The following SKAP1 variants were observed in gnomAD, a reference collection of about 807,000 sequenced individuals.
The protein encoded by SKAP1 is src kinase-associated phosphoprotein 1.
Under a neutral mutation model 58.5 loss-of-function variants are expected in SKAP1, and 44 were observed. The ratio of observed to expected loss-of-function variants is 0.75; its 90% confidence interval spans 0.59 to 0.97. The LOEUF (loss-of-function observed/expected upper bound fraction) is 0.97. Ranked by LOEUF, SKAP1 falls within the 50% of genes least tolerant of loss-of-function variation. SKAP1 has a pLI of 0.00. For synonymous variants in SKAP1, 127 were observed against 149.7 expected, an observed-to-expected ratio of 0.85 and a Z score of 1.11; for missense variants, 390 against 435.2, an observed-to-expected ratio of 0.90 and a Z score of 0.92.
At chr17:48,167,482 C>A (rs1229872932) in intron 10 of SKAP1, among the ~76,000 whole-genome samples, 1 of 152,090 alleles carries the variant, frequency 6.6e-6, no homozygotes, top group Non-Finnish European at 1.5e-5. Context: ...CTGTGGTTTC[C>A]CTTTGTTTCT....
intron 1 of SKAP1, among the ~76,000 whole-genome samples, chr17:48,428,618 C>G (rs2067877770): frequency 6.6e-6 from 1 of 152,110 alleles, no homozygotes; most frequent in Non-Finnish European, 1.5e-5. Flanking sequence ...GTTTAATAAG[C>G]TTATAAAATA....
At chr17:48,432,085 C>T (rs3826397), upstream of SKAP1, among the ~76,000 whole-genome samples, 109,238 of 152,020 alleles carry the variant, frequency 0.72, 39,520 homozygotes, top group African/African-American at 0.8. Flanking sequence ...CTGGCATGAG[C>T]CTCTCTGGGG....
intron 4 of SKAP1, among the ~76,000 whole-genome samples, chr17:48,288,635 G>C (rs755330041): frequency 1.3e-5 from 2 of 152,142 alleles, no homozygotes; most frequent in African/African-American, 2.4e-5. Flanking sequence ...GCAGTGAGCC[G>C]AGACTGAGCC....
intron 4 of SKAP1, among the ~76,000 whole-genome samples, chr17:48,228,592 A>G (rs2065094944): frequency 6.6e-6 from 1 of 152,074 alleles, no homozygotes; most frequent in Admixed American, 6.5e-5. Context: ...CATTTATTAG[A>G]CTCCACTTAT....
intron 4 of SKAP1, among the ~76,000 whole-genome samples, chr17:48,237,260 C>G (rs1168413424): frequency 1.3e-5 from 2 of 152,132 alleles, no homozygotes; most frequent in East Asian, 3.8e-4. Flanking sequence ...TGATTTTTTC[C>G]ATAAAGTTGT....
intron 4 of SKAP1, among the ~76,000 whole-genome samples, chr17:48,202,549 T>A (rs1212977816): frequency 6.6e-6 from 1 of 152,116 alleles, no homozygotes; most frequent in Non-Finnish European, 1.5e-5. Context: ...AGTTACAAAT[T>A]CTAGATTTAA....
At chr17:48,317,918 A>G (rs575345617) in intron 4 of SKAP1, among the ~76,000 whole-genome samples, 1 of 152,342 alleles carries the variant, frequency 6.6e-6, no homozygotes, top group East Asian at 1.9e-4. Flanking sequence ...GAGTTAAATC[A>G]AGAAAAAAAT....
chr17:48,363,345 C>A (rs540847449), intron 3 of SKAP1, among the ~76,000 whole-genome samples: 1 of 152,296 alleles, frequency 6.6e-6, no homozygotes, highest in African/African-American at 2.4e-5. Flanking sequence ...TGACATTTCT[C>A]TGCTGCCAGA....
At chr17:48,318,815 T>C (rs1442762754) in intron 4 of SKAP1, among the ~76,000 whole-genome samples, 1 of 152,216 alleles carries the variant, frequency 6.6e-6, no homozygotes, top group Non-Finnish European at 1.5e-5. Context: ...CAGTGAGTCA[T>C]GATTGCACCA....
intron 2 of SKAP1, among the ~76,000 whole-genome samples, chr17:48,387,827 T>A (rs1003986593): frequency 8.5e-5 from 13 of 152,190 alleles, no homozygotes; most frequent in Admixed American, 5.2e-4. Context: ...TTCCTTTTTT[T>A]AAAAAAAATC....
chr17:48,295,078 G>A (rs1038655881), intron 4 of SKAP1, among the ~76,000 whole-genome samples: 4 of 152,138 alleles, frequency 2.6e-5, no homozygotes, highest in African/African-American at 9.7e-5. Context: ...CAGACCAGTA[G>A]TTTTAGGCAC....
At chr17:48,426,297 G>A (rs561207297) in intron 1 of SKAP1, among the ~76,000 whole-genome samples, 16 of 152,304 alleles carry the variant, frequency 1.1e-4, no homozygotes, top group African/African-American at 3.6e-4. Flanking sequence ...ATGCAGCCAG[G>A]TTGTTAATGT....
chr17:48,299,827 A>G (rs1035371483), intron 4 of SKAP1, among the ~76,000 whole-genome samples: 1 of 152,120 alleles, frequency 6.6e-6, no homozygotes, highest in Non-Finnish European at 1.5e-5. Flanking sequence ...GAGTTTGAGC[A>G]TGGCCTGGAA....
chr17:48,435,616 T>A, the SKAP1 span, among the ~76,000 whole-genome samples: 1 of 152,226 alleles, frequency 6.6e-6, no homozygotes, highest in African/African-American at 2.4e-5. Flanking sequence ...TTTTCTAAAG[T>A]CGACCTGGGT....
At chr17:48,394,629 C>A (rs2067392568) in intron 2 of SKAP1, among the ~76,000 whole-genome samples, 1 of 152,242 alleles carries the variant, frequency 6.6e-6, no homozygotes, top group Non-Finnish European at 1.5e-5. Context: ...GAGTAAGCCA[C>A]TGCGTTTAGC....
intron 11 of SKAP1, among the ~76,000 whole-genome samples, chr17:48,149,469 A>G (rs2063872461): frequency 6.6e-6 from 1 of 152,204 alleles, no homozygotes; most frequent in Non-Finnish European, 1.5e-5. Context: ...TTAATCCTCA[A>G]GATTGTTCCG....
chr17:48,394,324 AT>A (rs1318891023), intron 2 of SKAP1, among the ~76,000 whole-genome samples: 1 of 151,752 alleles, frequency 6.6e-6, no homozygotes, highest in Admixed American at 6.6e-5. Context: ...TGGTTCATGT[AT>A]TTGCCGTATG....
intron 1 of SKAP1, among the ~76,000 whole-genome samples, chr17:48,409,293 C>A (rs561573023): frequency 6.6e-6 from 1 of 152,288 alleles, no homozygotes; most frequent in East Asian, 1.9e-4. Context: ...AGAGTGGAAG[C>A]AACCAAAATG....
At chr17:48,415,192 T>C (rs1479036138) in intron 1 of SKAP1, among the ~76,000 whole-genome samples, 1 of 152,170 alleles carries the variant, frequency 6.6e-6, no homozygotes, top group Non-Finnish European at 1.5e-5. Flanking sequence ...AGGGGAAATT[T>C]CGTAAAAGTA....
Sources: gnomAD v4.1 joint callset for allele counts (sites outside exome capture counted in the v4.1 genomes callset) on GRCh38, gnomAD v4.1.1 for gene constraint, MANE v1.5 for transcripts, NCBI Gene and HGNC (gene_info 2026-07-23, HGNC 2026-07-21) for gene names.